ABRACL: variants seen among roughly 807,000 people sequenced by gnomAD.
ABRACL encodes the protein costars family protein ABRACL.
ABRACL carries 4 observed loss-of-function variants against 7.0 expected under a neutral mutation model. That is an observed-to-expected ratio of 0.57 (90% CI 0.28 to 1.30). The LOEUF (loss-of-function observed/expected upper bound fraction) is 1.30, where lower values mean the gene tolerates loss of function less well. Ranked by LOEUF, ABRACL falls within the 50% of genes most tolerant of loss-of-function variation. The probability of loss-of-function intolerance (pLI) is 0.10; values close to 1 mark genes in which losing one functional copy is unlikely to be tolerated. For synonymous variants in ABRACL, 30 were observed against 36.0 expected, an observed-to-expected ratio of 0.83 and a Z score of 0.60; for missense variants, 104 against 97.3, an observed-to-expected ratio of 1.07 and a Z score of -0.29.
At chr6:139,042,108 G>A (rs969172726) in intron 2 of ABRACL, among the ~76,000 whole-genome samples, 1 of 152,120 alleles carries the variant, frequency 6.6e-6, no homozygotes, top group African/African-American at 2.4e-5. Flanking sequence ...CAGGTTTTCA[G>A]GTTATTGATG....
chr6:139,032,146 A>G (rs1663347302), intron 1 of ABRACL, among the ~76,000 whole-genome samples: 1 of 151,534 alleles, frequency 6.6e-6, no homozygotes, highest in Admixed American at 6.6e-5. Context: ...TTGTATTTTT[A>G]GTAGAGACGG....
At chr6:139,033,249 G>C (rs555481406) in intron 1 of ABRACL, among the ~76,000 whole-genome samples, 22 of 152,204 alleles carry the variant, frequency 1.4e-4, no homozygotes, top group African/African-American at 5.1e-4. Flanking sequence ...AACAGTGTGC[G>C]GGACCCAGCT....
chr6:139,032,185 C>A (rs569546449), intron 1 of ABRACL, among the ~76,000 whole-genome samples: 5 of 152,130 alleles, frequency 3.3e-5, no homozygotes, highest in South Asian at 4.1e-4. Flanking sequence ...AGGATGGTCT[C>A]GATCTCCTGA....
intron 2 of ABRACL, among the ~76,000 whole-genome samples, chr6:139,039,267 G>A (rs935387176): frequency 6.6e-6 from 1 of 151,986 alleles, no homozygotes. Flanking sequence ...ACATCTTATA[G>A]TACATGGCAT....
chr6:139,029,892 T>C (rs1050899894), intron 1 of ABRACL, among the ~76,000 whole-genome samples: 12 of 152,190 alleles, frequency 7.9e-5, no homozygotes, highest in Non-Finnish European at 1.8e-4. Flanking sequence ...CTCCAAACTT[T>C]TGAAAAATAA....
rs1165789034 is a variant in ABRACL at position 139,041,554 on chromosome 6, TCTGA to T, written c.62-1162_62-1159del. ...ATATTTTTTTTTAGGAGAGACATGG[TCTGA>T]CTATGTTGCTAAGGTTGGTGTCAAA... On this transcript the variant is annotated intron_variant, in intron 2 of 2. Transcript: ENST00000367660. Among the ~76,000 whole-genome samples the T allele has an allele frequency of 5.3e-5, 7 of 132,438 alleles. 1 individual carries two copies. The East Asian group carries it at 7.4e-4, about 14-fold the overall frequency. The allele number at this position is 132,438 out of a possible 152,430, so 86.9% of individuals were successfully genotyped here.
rs1786275257 is a variant in ABRACL at position 139,042,951 on chromosome 6, C to T, written c.*48C>T. ...ACTGCCATTTTTTGTTTCTGGTAAA[C>T]TGGAATATAAAGTGAAAGAACAAAC... On this transcript the variant is annotated 3_prime_UTR_variant, in exon 3 of 3. Transcript: ENST00000367660. 6.8e-7 allele frequency: 1 copy of T among 1,460,020 alleles called. No homozygotes were observed. The highest frequency in any genetic ancestry group is 2.4e-5 in the East Asian group (1 of 42,122). 90.4% of individuals were successfully genotyped at this position (1,460,020 alleles called of 1,614,324 possible).
intron 2 of ABRACL, chr6:139,034,603 TC>T (rs80061839): frequency 0.35 from 173,344 of 494,440 alleles, 33,796 homozygotes; most frequent in East Asian, 0.65. Flanking sequence ...TTCTTTTTTT[TC>T]AAATCATCTT....
intron 2 of ABRACL, among the ~76,000 whole-genome samples, chr6:139,041,036 C>T (rs1422795723): frequency 6.6e-6 from 1 of 152,098 alleles, no homozygotes; most frequent in East Asian, 1.9e-4. Context: ...AACAAGTTGC[C>T]CAAGGCCAAA....
chr6:139,034,206 C>G lies in ABRACL; in HGVS notation c.46C>G (p.Arg16Gly). The change falls in exon 2 of 3, where the codon CGT becomes GGT. Residue 16 changes from arginine (R) to glycine (G), a missense_variant. By Grantham distance (125) the Arg-to-Gly change is moderately radical. Transcript: ENST00000367660. ...TAACCTCTTAGTGGAGGAAATTCATCGTTTGGGTTCAAAAAGTAAGTATCT... is the reference window on the plus strand; with the variant it reads ...TAACCTCTTAGTGGAGGAAATTCATGGTTTGGGTTCAAAAAGTAAGTATCT... ...EVNLLVEEIH[R>G]LGSKNADGKL... 1.9e-6 allele frequency: 3 copies of G among 1,614,150 alleles called. No individual in the cohort carries two copies. Among genetic ancestry groups the G allele is most frequent in the Non-Finnish European group, 2.5e-6 (3 of 1,180,028 alleles).
chr6:139,033,238 G>C (rs1786107558), intron 1 of ABRACL, among the ~76,000 whole-genome samples: 1 of 152,228 alleles, frequency 6.6e-6, no homozygotes, highest in Non-Finnish European at 1.5e-5. Context: ...GAAGAGGCTG[G>C]AACAGTGTGC....
intron 1 of ABRACL, among the ~76,000 whole-genome samples, chr6:139,033,715 C>CA (rs1786114126): frequency 6.6e-6 from 1 of 152,188 alleles, no homozygotes; most frequent in South Asian, 2.1e-4. Context: ...ACCCACCACT[C>CA]AAAGAGTATT....
At chr6:139,029,552 G>T (rs1045181684) in intron 1 of ABRACL, among the ~76,000 whole-genome samples, 14 of 152,094 alleles carry the variant, frequency 9.2e-5, no homozygotes, top group South Asian at 4.1e-4. Context: ...GCCCCGCCAC[G>T]GGGGGCCCAG....
At chr6:139,030,567 G>T (rs963911964) in intron 1 of ABRACL, among the ~76,000 whole-genome samples, 2 of 152,036 alleles carry the variant, frequency 1.3e-5, no homozygotes, top group African/African-American at 4.8e-5. Context: ...TAAATAAAAC[G>T]TCAAATTATG....
rs73551124 is a variant in ABRACL at position 139,041,172 on chromosome 6, A to G, written c.62-1547A>G. 4.1e-3 allele frequency among the ~76,000 whole-genome samples: 621 copies of G among 152,310 alleles called. 5 individuals carry two copies. The highest frequency in any genetic ancestry group is 0.014 in the African/African-American group (594 of 41,562). ...AGTTATTGTCTCCTTTAAAGTCCAG[A>G]ATAAGTACTGTCTCCTCCATGAAGT... On this transcript the variant is annotated intron_variant, in intron 2 of 2. Coordinates refer to ENST00000367660, the MANE Select transcript of ABRACL (RefSeq NM_021243.3).
chr6:139,029,035 T>C (rs549817796), intron 1 of ABRACL, among the ~76,000 whole-genome samples, 160 bp downstream of exon 1: 84 of 151,978 alleles, frequency 5.5e-4, no homozygotes, highest in Admixed American at 1.0e-3. Context: ...GGCCGAGACC[T>C]CGCGGGTTGG....
chr6:139,029,509 G>C (rs1786046676), intron 1 of ABRACL, among the ~76,000 whole-genome samples: 1 of 152,096 alleles, frequency 6.6e-6, no homozygotes, highest in Non-Finnish European at 1.5e-5. Flanking sequence ...AAAGACTTCC[G>C]GGACGCGGCC....
chr6:139,040,273 G>A lies in ABRACL; in HGVS notation c.62-2446G>A, dbSNP rs963700376. On this transcript the variant is annotated intron_variant, in intron 2 of 2. Transcript: ENST00000367660. ...GTCAGCAGCTTGCAGTGATGCATGTGAGAAACACTCAGGGCCTGAACCAAG... is the reference window on the plus strand; with the variant it reads ...GTCAGCAGCTTGCAGTGATGCATGTAAGAAACACTCAGGGCCTGAACCAAG... Among the ~76,000 whole-genome samples, 7 of 152,278 alleles carry A rather than the reference G, an allele frequency of 4.6e-5. No homozygotes were observed. In the East Asian group the frequency reaches 1.2e-3, roughly 25 times the overall value.
chr6:139,042,756 C>A lies in ABRACL; in HGVS notation c.99C>A (p.Leu33=), dbSNP rs752173600. ...DGKLSVKFGV[L]FRDDKCANLF... ...AGTTAAGCGTGAAATTTGGGGTCCT[C>A]TTCCGTGATGATAAATGTGCCAACC... is the stretch of plus-strand genomic sequence containing the variant. Residue 33 remains leucine, a synonymous_variant, in exon 3 of 3, where the codon CTC becomes CTA. Transcript: ENST00000367660. The A allele has an allele frequency of 1.9e-6, 3 of 1,613,038 alleles. No individual in the cohort carries two copies. Among genetic ancestry groups the A allele is most frequent in the East Asian group, 2.2e-5 (1 of 44,844 alleles).
Sources: allele counts gnomAD v4.1 joint callset (sites outside exome capture counted in the v4.1 genomes callset), GRCh38; gene constraint gnomAD v4.1.1; transcripts MANE v1.5; gene names NCBI Gene and HGNC (gene_info 2026-07-23, HGNC 2026-07-21).